Variants in LDHB observed in about 807,000 individuals in gnomAD.
LDHB encodes the protein lactate dehydrogenase B.
Under a neutral mutation model 33.4 loss-of-function variants are expected in LDHB, and 18 were observed. That is an observed-to-expected ratio of 0.54 (90% CI 0.37 to 0.80). The LOEUF is 0.80. Ranked by LOEUF, LDHB falls within the 30% of genes least tolerant of loss-of-function variation. LDHB has a pLI of 0.00. For missense variants in LDHB, 345 were observed against 407.9 expected (o/e 0.85, Z 1.33); for synonymous variants, 121 against 140.6 (o/e 0.86, Z 0.98).
chr12:21,651,511 G>C (rs1408713938), intron 2 of LDHB, among the ~76,000 whole-genome samples: 1 of 152,118 alleles, frequency 6.6e-6, no homozygotes, highest in Non-Finnish European at 1.5e-5. Flanking sequence ...CCAATGCTAT[G>C]CTTTTATTTA....
At chr12:21,645,101 T>C (rs1256573237) in intron 3 of LDHB, among the ~76,000 whole-genome samples, 1 of 152,128 alleles carries the variant, frequency 6.6e-6, no homozygotes, top group Non-Finnish European at 1.5e-5. Flanking sequence ...CTGAAACATG[T>C]GCTGTGTCAA....
chr12:21,639,292 A>G (rs1938302118), intron 5 of LDHB, among the ~76,000 whole-genome samples: 1 of 152,016 alleles, frequency 6.6e-6, no homozygotes, highest in African/African-American at 2.4e-5. Flanking sequence ...GATCAACATG[A>G]AAAATTTTAA....
chr12:21,639,413 T>A (rs1006636554), intron 5 of LDHB, among the ~76,000 whole-genome samples: 2 of 151,990 alleles, frequency 1.3e-5, no homozygotes, highest in Non-Finnish European at 2.9e-5. Context: ...AGTTCTTCAA[T>A]AGCTACTTCA....
chr12:21,647,972 G>A (rs1938574859), intron 2 of LDHB, among the ~76,000 whole-genome samples: 1 of 152,008 alleles, frequency 6.6e-6, no homozygotes. Flanking sequence ...GCTGGAATAG[G>A]CAGTGCTGGG....
chr12:21,649,131 C>T (rs375941473), intron 2 of LDHB, among the ~76,000 whole-genome samples: 146 of 152,266 alleles, frequency 9.6e-4, no homozygotes, highest in South Asian at 6.6e-3. Context: ...GTACTGAGCA[C>T]TGGGAATATC....
intron 2 of LDHB, among the ~76,000 whole-genome samples, chr12:21,652,696 AG>A: frequency 6.6e-6 from 1 of 151,340 alleles, no homozygotes; most frequent in East Asian, 1.9e-4. Flanking sequence ...GAAATGCAAA[AG>A]GATAGGGAGC....
intron 5 of LDHB, among the ~76,000 whole-genome samples, chr12:21,639,269 C>T (rs980537589): frequency 4.0e-5 from 6 of 151,774 alleles, no homozygotes; most frequent in African/African-American, 9.7e-5. Flanking sequence ...TTTCATTTTA[C>T]GTACACAATA....
At chr12:21,637,045 T>C (rs1565624553) in intron 7 of LDHB, 26 bp downstream of exon 7, 2 of 1,562,942 alleles carry the variant, frequency 1.3e-6, no homozygotes, top group Non-Finnish European at 8.8e-7. Context: ...AGAAATCATA[T>C]TACATTTTGT....
At chr12:21,653,662 A>ATG (rs1938754931) in intron 2 of LDHB, among the ~76,000 whole-genome samples, 2 of 12,294 alleles carry the variant, frequency 1.6e-4, no homozygotes, top group East Asian at 5.7e-3. Context: ...ATATACACAT[A>ATG]TATGTATGTA....
intron 3 of LDHB, 69 bp from the exon 4 acceptor site, chr12:21,644,177 T>G (rs1160533731): frequency 8.6e-7 from 1 of 1,158,600 alleles, no homozygotes; most frequent in African/African-American, 1.5e-5. Flanking sequence ...CTATATGACA[T>G]GCTCTAAAAG....
At chr12:21,650,881 A>C (rs970206865) in intron 2 of LDHB, among the ~76,000 whole-genome samples, 18 of 152,368 alleles carry the variant, frequency 1.2e-4, no homozygotes, top group African/African-American at 4.1e-4. Context: ...AAATCAGGCT[A>C]ATCTCTGAAG....
chr12:21,653,602 C>T (rs1235135598), intron 2 of LDHB, among the ~76,000 whole-genome samples: 2 of 151,938 alleles, frequency 1.3e-5, no homozygotes, highest in Non-Finnish European at 2.9e-5. Flanking sequence ...CTATGTATTT[C>T]TATAGATCTC....
Position 21,643,923 on chromosome 12 carries a change from A to G in LDHB, c.421+12T>C. 1 of 1,580,560 alleles carries G rather than the reference A, an allele frequency of 6.3e-7. No homozygotes were observed. The highest frequency in any genetic ancestry group is 8.7e-7 in the Non-Finnish European group (1 of 1,149,480). On this transcript the variant is annotated intron_variant, in intron 4 of 7. Transcript: ENST00000350669. ...ACTTAACAGAACAGAGACTTAAAGT[A>G]TACAATAATACCTGGGTTGGAAACC...
Position 21,651,944 on chromosome 12 carries a change from C to T in LDHB, c.129+2599G>A, listed in dbSNP as rs115338331. ...TTTGCAAAAGATAAAGGGAAAAGAA[C>T]GCTAGATTGAAAAACAGAAATCATA... On this transcript the variant is annotated intron_variant, in intron 2 of 7. Transcript: ENST00000350669. 6.4e-3 allele frequency among the ~76,000 whole-genome samples: 976 copies of T among 152,222 alleles called. 14 individuals carry two copies. Among genetic ancestry groups the T allele is most frequent in the African/African-American group, 0.022 (917 of 41,522 alleles).
At position 21,635,590 on chromosome 12, in the gene LDHB, T is replaced by A; in HGVS notation, c.957A>T (p.Lys319Asn). ...GGATGTCCCACAGGGTATCTGCACTTTTCTTGAGCTGAGCAACCTCATCAT... is the reference window on the plus strand; with the variant it reads ...GGATGTCCCACAGGGTATCTGCACTATTCTTGAGCTGAGCAACCTCATCAT... ...LKDDEVAQLK[K>N]SADTLWDIQK... The change falls in exon 8 of 8, where the codon AAA (lysine) becomes AAT (asparagine). Residue 319 changes from lysine (K) to asparagine (N), a missense_variant. Transcript: ENST00000350669. 6.2e-7 allele frequency: 1 copy of A among 1,612,864 alleles called. No homozygotes were observed. Among genetic ancestry groups the A allele is most frequent in the South Asian group, 1.1e-5 (1 of 91,010 alleles).
Position 21,654,638 on chromosome 12 carries a change from C to T in LDHB, c.34G>A (p.Val12Ile). ...GGAACTGTTGCCTCTTCTTCCGCAACTGGTGCAATGAGTTTTTCCTTAAGA... is the reference window on the plus strand; with the variant it reads ...GGAACTGTTGCCTCTTCTTCCGCAATTGGTGCAATGAGTTTTTCCTTAAGA... ...ATLKEKLIAP[V>I]AEEEATVPNN... The change falls in exon 2 of 8, where the codon GTT (valine) becomes ATT (isoleucine). Residue 12 changes from valine to isoleucine, a missense_variant. Physicochemically the swap from Val to Ile is conservative, Grantham distance 29 (BLOSUM62 3). Transcript: ENST00000350669. 2 of 1,614,094 alleles carry T rather than the reference C, an allele frequency of 1.2e-6. No homozygotes were observed. Among genetic ancestry groups the T allele is most frequent in the Non-Finnish European group, 1.7e-6 (2 of 1,179,938 alleles).
At chr12:21,646,116 C>T (rs965250287) in intron 3 of LDHB, among the ~76,000 whole-genome samples, 2 of 152,096 alleles carry the variant, frequency 1.3e-5, no homozygotes, top group Non-Finnish European at 2.9e-5. Flanking sequence ...AAGAAACTGC[C>T]AACACCAGAT....
chr12:21,647,678 T>C (rs1938562879), intron 2 of LDHB, among the ~76,000 whole-genome samples: 1 of 152,178 alleles, frequency 6.6e-6, no homozygotes, highest in Non-Finnish European at 1.5e-5. Flanking sequence ...TTAATCTTGA[T>C]CTGGAGTCAT....
In LDHB at chr12:21,635,492, G is replaced by A. The variant is rs372286836; in HGVS notation, c.*50C>T. On this transcript the variant is annotated 3_prime_UTR_variant, in exon 8 of 8. Coordinates refer to ENST00000350669, the MANE Select transcript of LDHB (RefSeq NM_002300.8). ...GTACATGGATGAAAACTAAAGGCTC[G>A]AGTTAATCACATTGTAGTTTTTAAA... The A allele has an allele frequency of 1.5e-5, 22 of 1,439,792 alleles. No individual in the cohort carries two copies. The African/African-American group carries it at 1.8e-4, about 12-fold the overall frequency. 89.2% of individuals were successfully genotyped at this position (1,439,792 alleles called of 1,614,324 possible).
Sources: gnomAD v4.1 joint callset for allele counts (sites outside exome capture counted in the v4.1 genomes callset) on GRCh38, gnomAD v4.1.1 for gene constraint, MANE v1.5 for transcripts, NCBI Gene and HGNC (gene_info 2026-07-23, HGNC 2026-07-21) for gene names.